Variants in SLC6A6 observed in about 807,000 individuals in gnomAD.
SLC6A6 encodes solute carrier family 6 member 6.
Under a neutral mutation model 68.8 loss-of-function variants are expected in SLC6A6, and 16 were observed. That is an observed-to-expected ratio of 0.23 (90% CI 0.16 to 0.35). The LOEUF (loss-of-function observed/expected upper bound fraction) is 0.35, where lower values mean the gene tolerates loss of function less well. Among genes scored for constraint, SLC6A6 ranks in the 10% least tolerant of loss-of-function variants. SLC6A6 has a pLI of 1.00. For missense variants in SLC6A6, 474 were observed against 802.8 expected, an observed-to-expected ratio of 0.59 and a Z score of 4.95; for synonymous variants, 312 against 315.4, an observed-to-expected ratio of 0.99 and a Z score of 0.12.
chr3:14,451,101 T>C (rs900287943), intron 5 of SLC6A6, among the ~76,000 whole-genome samples: 5 of 152,216 alleles, frequency 3.3e-5, no homozygotes. Context: ...GCCTTATCCT[T>C]GCACCTCCGT....
chr3:14,456,769 C>A (rs1011414708), intron 5 of SLC6A6, among the ~76,000 whole-genome samples: 2 of 152,160 alleles, frequency 1.3e-5, no homozygotes, highest in African/African-American at 4.8e-5. Flanking sequence ...CTCCCTGCCC[C>A]TCCTGCATGG....
chr3:14,466,433 C>G (rs957366249), intron 6 of SLC6A6, 83 bp from the exon 7 acceptor site: 38 of 1,467,284 alleles, frequency 2.6e-5, no homozygotes, highest in Non-Finnish European at 3.2e-5. Context: ...ACCAGTGCTC[C>G]CCTCTGCCTC....
intron 13 of SLC6A6, 40 bp downstream of exon 13, chr3:14,479,225 T>C: frequency 8.2e-7 from 1 of 1,222,496 alleles, no homozygotes; most frequent in Non-Finnish European, 1.2e-6. Flanking sequence ...TGGCCTCTTC[T>C]CCCTGGGGCT....
At chr3:14,445,623 C>G in intron 3 of SLC6A6, 94 bp from the exon 4 acceptor site, 1 of 1,410,356 alleles carries the variant, frequency 7.1e-7, no homozygotes, top group East Asian at 2.3e-5. Flanking sequence ...CTCATGCATT[C>G]TCTCTGGTTC....
intron 6 of SLC6A6, 116 bp downstream of exon 6, chr3:14,458,198 C>G: frequency 1.1e-6 from 1 of 946,948 alleles, no homozygotes; most frequent in Non-Finnish European, 1.7e-6. Flanking sequence ...CCAGTGGTGG[C>G]GTGCTGGTAA....
chr3:14,431,405 C>T (rs1157096402), intron 2 of SLC6A6, among the ~76,000 whole-genome samples: 1 of 152,172 alleles, frequency 6.6e-6, no homozygotes, highest in African/African-American at 2.4e-5. Flanking sequence ...ACCCGGGTGA[C>T]TGGGGAGTAA....
chr3:14,458,767 T>C (rs1700428471), intron 6 of SLC6A6, among the ~76,000 whole-genome samples: 2 of 152,262 alleles, frequency 1.3e-5, no homozygotes, highest in Admixed American at 6.5e-5. Context: ...CGTTAGCTGA[T>C]AATTAAATCA....
intron 5 of SLC6A6, among the ~76,000 whole-genome samples, chr3:14,449,980 G>A (rs1700218960): frequency 6.6e-6 from 1 of 152,102 alleles, no homozygotes; most frequent in South Asian, 2.1e-4. Context: ...TCAATCTCCT[G>A]ACCTCATGAT....
At position 14,447,634 on chromosome 3, in the gene SLC6A6, C is replaced by T. The variant is rs777815176; in HGVS notation, c.417C>T (p.Ile139=). Residue 139 remains isoleucine, a synonymous_variant, in exon 5 of 15, where the codon ATC becomes ATT. Coordinates refer to ENST00000622186, the MANE Select transcript of SLC6A6 (RefSeq NM_003043.6). ...TGTCCCTCCTGAATGTCTACTACAT[C>T]GTCATCCTGGCCTGGGCCACATACT... The part of the protein sequence containing the change: ...VIVSLLNVYY[I]VILAWATYYL... 1.8e-5 allele frequency: 29 copies of T among 1,614,118 alleles called. No homozygotes were observed. Among genetic ancestry groups the T allele is most frequent in the Admixed American group, 1.3e-4 (8 of 60,010 alleles).
At chr3:14,410,394 C>T (rs1248852254) in intron 1 of SLC6A6, among the ~76,000 whole-genome samples, 1 of 152,120 alleles carries the variant, frequency 6.6e-6, no homozygotes, top group East Asian at 1.9e-4. Context: ...GGTGGGAGGG[C>T]AAAACTGTAT....
chr3:14,477,115 T>C lies in SLC6A6; in HGVS notation c.1210-90T>C. On this transcript the variant is annotated intron_variant, in intron 10 of 14. Transcript: ENST00000622186. This position sits in a 1 kb window ranked among gnomAD's most constrained non-coding sequence, Gnocchi z 4.2. ...AAGGATGGTCACGTCTGCTCCTGCA[T>C]TGTGTGTTCCTGGGCCCTTCCCTCC... is the stretch of plus-strand genomic sequence containing the variant. 1 of 1,213,856 alleles carries C rather than the reference T, an allele frequency of 8.2e-7. No individual in the cohort carries two copies. The highest frequency in any genetic ancestry group is 1.2e-6 in the Non-Finnish European group (1 of 838,898). The allele number at this position is 1,213,856 out of a possible 1,614,324, so 75.2% of individuals were successfully genotyped here.
chr3:14,443,167 A>AT (rs1268027236), intron 2 of SLC6A6, among the ~76,000 whole-genome samples: 1 of 152,120 alleles, frequency 6.6e-6, no homozygotes, highest in Non-Finnish European at 1.5e-5. Context: ...AGGAGCCTCC[A>AT]TTTTTTTAAA....
chr3:14,443,399 G>A (rs540762862), intron 2 of SLC6A6, among the ~76,000 whole-genome samples: 36 of 152,260 alleles, frequency 2.4e-4, no homozygotes, highest in African/African-American at 8.2e-4. Flanking sequence ...GATTCTGTGG[G>A]TTGCAAGTGT....
Position 14,485,463 on chromosome 3 carries a change from A to T in SLC6A6, c.*456A>T, listed in dbSNP as rs1173898136. 6.5e-6 allele frequency: 1 copy of T among 153,938 alleles called. No homozygotes were observed. Among genetic ancestry groups the T allele is most frequent in the African/African-American group, 2.4e-5 (1 of 41,402 alleles). The allele number at this position is 153,938 out of a possible 1,614,324, so 9.5% of individuals were successfully genotyped here. On this transcript the variant is annotated 3_prime_UTR_variant, in exon 15 of 15. Transcript: ENST00000622186. ...GCTGGCAGAAAGTTCTGTCCAGTAA[A>T]CGCAGGATGGAATTTTCCTGGGACT...
chr3:14,461,279 A>T (rs1700487788), intron 6 of SLC6A6, among the ~76,000 whole-genome samples: 1 of 152,200 alleles, frequency 6.6e-6, no homozygotes, highest in Admixed American at 6.5e-5. Context: ...CCCATTTTAC[A>T]GATGGGGAAA....
chr3:14,463,579 C>T (rs2124974909), intron 6 of SLC6A6, among the ~76,000 whole-genome samples: 1 of 152,366 alleles, frequency 6.6e-6, no homozygotes, highest in South Asian at 2.1e-4. Context: ...GTGTGGCCCA[C>T]AAAGGGCCCC....
chr3:14,412,053 G>T (rs534810904), intron 1 of SLC6A6, among the ~76,000 whole-genome samples: 3 of 152,244 alleles, frequency 2.0e-5, no homozygotes, highest in Non-Finnish European at 4.4e-5. Context: ...GTAAGGGGTG[G>T]CCCAGATAGG....
intron 6 of SLC6A6, 152 bp from the exon 7 acceptor site, chr3:14,466,364 G>T: frequency 1.4e-4 from 100 of 689,696 alleles, no homozygotes; most frequent in Middle Eastern, 2.9e-4. Flanking sequence ...GTTAAGCAAT[G>T]TGCCAAAGGC....
chr3:14,471,470 C>T (rs1380763747), intron 9 of SLC6A6, among the ~76,000 whole-genome samples: 1 of 152,226 alleles, frequency 6.6e-6, no homozygotes, highest in Non-Finnish European at 1.5e-5. Flanking sequence ...ACCTGCCCCT[C>T]ACTTTTCAGG....
Sources: allele counts gnomAD v4.1 joint callset (sites outside exome capture counted in the v4.1 genomes callset), GRCh38; gene constraint gnomAD v4.1.1; non-coding constraint Gnocchi (gnomAD v3.1); transcripts MANE v1.5; gene names NCBI Gene and HGNC (gene_info 2026-07-23, HGNC 2026-07-21).